PAK5: variants seen among roughly 807,000 people sequenced by gnomAD.
PAK5 encodes the protein p21 (RAC1) activated kinase 5.
PAK5 carries 16 observed loss-of-function variants against 65.9 expected under a neutral mutation model. That is an observed-to-expected ratio of 0.24 (90% confidence interval 0.16 to 0.37). The LOEUF (loss-of-function observed/expected upper bound fraction) is 0.37. PAK5 is among the 10% of genes least tolerant of loss of function. The pLI, the probability that PAK5 is intolerant of heterozygous loss-of-function variation, is 1.00. For synonymous variants in PAK5, 371 were observed against 354.9 expected, an observed-to-expected ratio of 1.05 and a Z score of -0.51; for missense variants, 785 against 903.9, an observed-to-expected ratio of 0.87 and a Z score of 1.69.
rs1326717266 is a variant in PAK5, at chr20:9,605,892, T to C, written c.205-24962A>G. ...TTGCAGTGAGCCGAGATGGCGCTAC[T>C]GCACTCCAGCCTGGGTGACAGAGCG... On this transcript the variant is annotated intron_variant, in intron 3 of 9. Coordinates refer to ENST00000353224, the MANE Select transcript of PAK5 (RefSeq NM_177990.4). Among the ~76,000 whole-genome samples, 18 of 152,094 alleles carry C rather than the reference T, an allele frequency of 1.2e-4. 1 individual carries two copies. The highest frequency in any genetic ancestry group is 2.6e-4 in the Non-Finnish European group (18 of 68,018).
intron 1 of PAK5, among the ~76,000 whole-genome samples, chr20:9,798,998 C>T (rs2049136997): frequency 6.6e-6 from 1 of 152,030 alleles, no homozygotes; most frequent in African/African-American, 2.4e-5. Flanking sequence ...GAGAGCTTTG[C>T]ATAAATGCAA....
intron 2 of PAK5, among the ~76,000 whole-genome samples, chr20:9,699,197 C>G (rs892209031): frequency 6.6e-6 from 1 of 152,094 alleles, no homozygotes; most frequent in Non-Finnish European, 1.5e-5. Flanking sequence ...AATACACAGT[C>G]CTGATTGTAA....
At chr20:9,787,859 G>A (rs559405262) in intron 1 of PAK5, among the ~76,000 whole-genome samples, 6 of 152,142 alleles carry the variant, frequency 3.9e-5, no homozygotes, top group African/African-American at 1.4e-4. Flanking sequence ...TAATGAGGAA[G>A]TGGTGACTTT....
intron 1 of PAK5, among the ~76,000 whole-genome samples, chr20:9,833,194 A>T (rs541300374): frequency 6.6e-6 from 1 of 152,206 alleles, no homozygotes; most frequent in Non-Finnish European, 1.5e-5. Flanking sequence ...CACTTAGCCA[A>T]TTTCCATGAC....
intron 6 of PAK5, among the ~76,000 whole-genome samples, chr20:9,562,633 G>A (rs1253327312): frequency 6.6e-6 from 1 of 152,170 alleles, no homozygotes; most frequent in Admixed American, 6.6e-5. Context: ...TGTCACTGAA[G>A]CTTCATTCTT....
At chr20:9,789,329 G>T (rs549425618) in intron 1 of PAK5, among the ~76,000 whole-genome samples, 1 of 152,074 alleles carries the variant, frequency 6.6e-6, no homozygotes, top group Non-Finnish European at 1.5e-5. Context: ...GGGACAGATG[G>T]CTATCAAACT....
intron 4 of PAK5, among the ~76,000 whole-genome samples, chr20:9,571,953 G>C (rs11699929): frequency 0.089 from 13,466 of 151,506 alleles, 753 homozygotes; most frequent in East Asian, 0.24. Flanking sequence ...CCTGGTCAGG[G>C]TGTTTCACTG....
chr20:9,792,603 T>C (rs2049061452), intron 1 of PAK5, among the ~76,000 whole-genome samples: 1 of 152,092 alleles, frequency 6.6e-6, no homozygotes, highest in Admixed American at 6.6e-5. Context: ...TTCAAGAAAC[T>C]TAAGTGGAGA....
chr20:9,674,415 T>C (rs2047540803), intron 2 of PAK5, among the ~76,000 whole-genome samples: 1 of 152,234 alleles, frequency 6.6e-6, no homozygotes. Flanking sequence ...GGATCAATAC[T>C]AGAGGAAGAA....
rs138790736 is a variant in PAK5 at position 9,688,320 on chromosome 20, C to T, written c.-12+22966G>A. 2.7e-3 allele frequency among the ~76,000 whole-genome samples: 416 copies of T among 152,132 alleles called. 2 individuals are homozygous for T. Among genetic ancestry groups the T allele is most frequent in the South Asian group, 5.0e-3 (24 of 4,804 alleles). On this transcript the variant is annotated intron_variant, in intron 2 of 9. Coordinates refer to ENST00000353224, the MANE Select transcript of PAK5 (RefSeq NM_177990.4). The stretch of plus-strand genomic sequence containing the variant: ...CCCTCTGCCTGCCTCCCCAACACCA[C>T]GCACTTTGTGTTATTTAGGAGAGGA...
At position 9,562,785 on chromosome 20, in the gene PAK5, T is replaced by C. The variant is rs145032251; in HGVS notation, c.1616+106A>G. On this transcript the variant is annotated intron_variant, in intron 6 of 9. Transcript: ENST00000353224. ...TAGGGGAAAGGGTAGTCATATTCCC[T>C]GACTCCAAAGTGCCTGCAATTTATG... is the stretch of plus-strand genomic sequence containing the variant. 287 of 976,520 alleles carry C rather than the reference T, an allele frequency of 2.9e-4. 2 individuals carry two copies. The African/African-American group carries it at 4.5e-3, about 15-fold the overall frequency. 60.5% of individuals were successfully genotyped at this position (976,520 alleles called of 1,614,324 possible).
In PAK5 at chr20:9,594,816, C is replaced by T. The variant is rs531958527; in HGVS notation, c.205-13886G>A. 4.1e-4 allele frequency among the ~76,000 whole-genome samples: 62 copies of T among 152,250 alleles called. No homozygotes were observed. In the South Asian group the frequency reaches 8.5e-3, roughly 21 times the overall value. ...AAATCTTTTTAATCAACTTCTGCTTCGACAGCCCTAATTTTGGTCCACAAC... is the reference window on the plus strand; with the variant it reads ...AAATCTTTTTAATCAACTTCTGCTTTGACAGCCCTAATTTTGGTCCACAAC... On this transcript the variant is annotated intron_variant, in intron 3 of 9. Transcript: ENST00000353224.
At chr20:9,691,696 T>C (rs183785678) in intron 2 of PAK5, among the ~76,000 whole-genome samples, 48 of 152,308 alleles carry the variant, frequency 3.2e-4, no homozygotes, top group African/African-American at 1.0e-3. Context: ...TACTATTATT[T>C]ACAATGAAAA....
intron 2 of PAK5, among the ~76,000 whole-genome samples, chr20:9,699,136 T>C (rs1569046593): frequency 6.6e-6 from 1 of 152,108 alleles, no homozygotes; most frequent in African/African-American, 2.4e-5. Context: ...GCTTGCTGTC[T>C]TTTGTGTCCT....
chr20:9,747,090 A>G (rs1336027740), intron 1 of PAK5, among the ~76,000 whole-genome samples: 3 of 152,220 alleles, frequency 2.0e-5, no homozygotes, highest in Non-Finnish European at 4.4e-5. Context: ...TCTAGAAGAA[A>G]TGGATAAATT....
At chr20:9,664,423 T>A (rs2047386082) in intron 2 of PAK5, among the ~76,000 whole-genome samples, 1 of 152,184 alleles carries the variant, frequency 6.6e-6, no homozygotes, top group Admixed American at 6.5e-5. Flanking sequence ...ATTCTATGAT[T>A]CTTAGCTGTT....
chr20:9,686,323 A>G (rs1260144633), intron 2 of PAK5, among the ~76,000 whole-genome samples: 1 of 152,210 alleles, frequency 6.6e-6, no homozygotes, highest in Non-Finnish European at 1.5e-5. Context: ...AGGCACAGGT[A>G]GATGATGTGA....
intron 1 of PAK5, among the ~76,000 whole-genome samples, chr20:9,787,990 G>A (rs1246639060): frequency 6.6e-6 from 1 of 150,870 alleles, no homozygotes; most frequent in East Asian, 1.9e-4. Context: ...TGTTGGGGGG[G>A]GTATGTGTGA....
At chr20:9,668,494 A>G (rs1277069287) in intron 2 of PAK5, among the ~76,000 whole-genome samples, 1 of 152,070 alleles carries the variant, frequency 6.6e-6, no homozygotes, top group Non-Finnish European at 1.5e-5. Context: ...TGAGTCATCC[A>G]CTCTTTCTCA....
Sources: gnomAD v4.1 joint callset for allele counts (sites outside exome capture counted in the v4.1 genomes callset) on GRCh38, gnomAD v4.1.1 for gene constraint, MANE v1.5 for transcripts, NCBI Gene and HGNC (gene_info 2026-07-23, HGNC 2026-07-21) for gene names.